The following TRIM24 variants were observed in gnomAD, a reference collection of about 807,000 sequenced individuals.
The protein encoded by TRIM24 is tripartite motif containing 24, also known as transcription intermediary factor 1-alpha.
Under a neutral mutation model 123.9 loss-of-function variants are expected in TRIM24, and 29 were observed. That is an observed-to-expected ratio of 0.23 (90% CI 0.17 to 0.32). The LOEUF (loss-of-function observed/expected upper bound fraction) is 0.32. Among genes scored for constraint, TRIM24 ranks in the 10% least tolerant of loss-of-function variants. TRIM24 has a pLI of 1.00. For missense variants in TRIM24, 932 were observed against 1,295.3 expected, an observed-to-expected ratio of 0.72 and a Z score of 4.31; for synonymous variants, 456 against 461.1, an observed-to-expected ratio of 0.99 and a Z score of 0.14.
Position 138,573,629 on chromosome 7 carries a change from T to C in TRIM24, c.2001T>C (p.Ser667=). 6.2e-7 allele frequency: 1 copy of C among 1,607,760 alleles called. No homozygotes were observed. Among genetic ancestry groups the C allele is most frequent in the Non-Finnish European group, 8.5e-7 (1 of 1,178,586 alleles). ...TVQSPNSSVP[S]PGLAGPVTMT... ...AGTCACCAAATTCATCAGTGCCATC[T>C]CCAGGCCTTGCAGGTAAAGTGGGCT... Residue 667 remains serine (S), a synonymous_variant, in exon 12 of 19, where the codon TCT becomes TCC. Coordinates refer to ENST00000343526, the MANE Select transcript of TRIM24 (RefSeq NM_015905.3).
Position 138,554,841 on chromosome 7 carries a change from C to A in TRIM24, c.1405C>A (p.Arg469=), listed in dbSNP as rs752822121. 1 of 1,614,156 alleles carries A rather than the reference C, an allele frequency of 6.2e-7. No homozygotes were observed. The highest frequency in any genetic ancestry group is 2.2e-5 in the East Asian group (1 of 44,878). The stretch of plus-strand genomic sequence containing the variant: ...AACACAGATCAGCCTAGCTCAATTA[C>A]GGCTCCAGCATATGCAGCAACAGGT... ...FPTQISLAQL[R]LQHMQQQVMA... is the part of the protein sequence containing the mutation. Residue 469 remains arginine, a synonymous_variant, in exon 9 of 19, where the codon CGG becomes AGG. Transcript: ENST00000343526. This position sits in a 1 kb window ranked among gnomAD's most constrained non-coding sequence, Gnocchi z 4.5.
chr7:138,517,072 C>G (rs1479184756), intron 3 of TRIM24, among the ~76,000 whole-genome samples: 1 of 151,494 alleles, frequency 6.6e-6, no homozygotes, highest in East Asian at 1.9e-4. Context: ...TGCCATTACA[C>G]TCCGTCTGCG....
In TRIM24 at chr7:138,568,806, T is replaced by G. The variant is rs535567024; in HGVS notation, c.1704+1152T>G. Among the ~76,000 whole-genome samples the G allele has an allele frequency of 8.7e-4, 133 of 152,286 alleles. 1 individual carries two copies. The highest frequency in any genetic ancestry group is 8.8e-4 in the Non-Finnish European group (60 of 68,024). On this transcript the variant is annotated intron_variant, in intron 10 of 18. Coordinates refer to ENST00000343526, the MANE Select transcript of TRIM24 (RefSeq NM_015905.3). ...CTATGACAACAGCCTGTCTAGCTGA[T>G]TGTAGACTGATTTTGGTTTCTCCAA...
At chr7:138,527,475 C>T (rs919058477) in intron 5 of TRIM24, among the ~76,000 whole-genome samples, 1 of 152,148 alleles carries the variant, frequency 6.6e-6, no homozygotes. Flanking sequence ...CTGTTTTTCC[C>T]TTACTCATCC....
intron 1 of TRIM24, among the ~76,000 whole-genome samples, chr7:138,483,251 T>A (rs186185621): frequency 6.6e-4 from 101 of 152,044 alleles, no homozygotes; most frequent in African/African-American, 1.6e-3. Flanking sequence ...TGTTAAAAAA[T>A]TTTTTTTTCA....
intron 1 of TRIM24, among the ~76,000 whole-genome samples, chr7:138,470,412 C>G (rs139276021): frequency 6.6e-6 from 1 of 152,202 alleles, no homozygotes; most frequent in East Asian, 1.9e-4. Context: ...CGAGCCATCG[C>G]GCCCAGTCTT....
intron 4 of TRIM24, among the ~76,000 whole-genome samples, chr7:138,520,748 A>G (rs146725394): frequency 1.9e-3 from 286 of 152,352 alleles, no homozygotes; most frequent in African/African-American, 6.8e-3. Flanking sequence ...GAAGGGCTTA[A>G]GAACAGATTT....
At chr7:138,486,529 G>A (rs1795651464) in intron 1 of TRIM24, among the ~76,000 whole-genome samples, 1 of 152,152 alleles carries the variant, frequency 6.6e-6, no homozygotes, top group Non-Finnish European at 1.5e-5. Context: ...TGTAAGGAAG[G>A]GATCCGGTTT....
intron 12 of TRIM24, among the ~76,000 whole-genome samples, chr7:138,574,659 T>C (rs1279820626): frequency 6.6e-6 from 1 of 152,086 alleles, no homozygotes; most frequent in Non-Finnish European, 1.5e-5. Context: ...ATAATAAAAA[T>C]AGTCATTGAG....
At chr7:138,560,447 A>G (rs946948221) in intron 9 of TRIM24, among the ~76,000 whole-genome samples, 5 of 152,198 alleles carry the variant, frequency 3.3e-5, no homozygotes, top group Admixed American at 2.6e-4. Context: ...ACATGTACGG[A>G]TAGCCTCTGG....
intron 7 of TRIM24, among the ~76,000 whole-genome samples, chr7:138,546,296 TG>T (rs1453461005): frequency 6.6e-6 from 1 of 152,188 alleles, no homozygotes; most frequent in Non-Finnish European, 1.5e-5. Flanking sequence ...AAGGTCATCC[TG>T]CGGAATGTAA....
At chr7:138,462,913 A>C (rs1300617353) in intron 1 of TRIM24, among the ~76,000 whole-genome samples, 3 of 150,290 alleles carry the variant, frequency 2.0e-5, no homozygotes, top group Non-Finnish European at 4.4e-5. Context: ...CTTCTTGCCC[A>C]GGCTGGAGTG....
At chr7:138,475,479 AT>A (rs1186603625) in intron 1 of TRIM24, among the ~76,000 whole-genome samples, 1 of 152,172 alleles carries the variant, frequency 6.6e-6, no homozygotes, top group Admixed American at 6.5e-5. Context: ...GAGAAAAAAT[AT>A]TTTTGGGTTA....
intron 1 of TRIM24, among the ~76,000 whole-genome samples, chr7:138,477,523 C>T (rs145357105): frequency 4.1e-4 from 63 of 152,158 alleles, no homozygotes; most frequent in African/African-American, 1.4e-3. Flanking sequence ...AACAAATGAA[C>T]GTTGTTCTGT....
intron 8 of TRIM24, among the ~76,000 whole-genome samples, chr7:138,551,899 G>A (rs994334503): frequency 6.6e-6 from 1 of 152,036 alleles, no homozygotes; most frequent in Non-Finnish European, 1.5e-5. Flanking sequence ...GCCTGATCAG[G>A]TAATAGTTAT....
chr7:138,544,859 G>A (rs763778773), intron 7 of TRIM24, among the ~76,000 whole-genome samples: 20 of 152,086 alleles, frequency 1.3e-4, no homozygotes, highest in Non-Finnish European at 2.5e-4. Context: ...TCTTAATCAC[G>A]TTATTTGGGT....
At chr7:138,463,697 TTG>T (rs775578178) in intron 1 of TRIM24, among the ~76,000 whole-genome samples, 2 of 152,192 alleles carry the variant, frequency 1.3e-5, no homozygotes, top group African/African-American at 2.4e-5. Context: ...TGAGACAAGT[TTG>T]TGATTCCATA....
intron 13 of TRIM24, 38 bp downstream of exon 13, chr7:138,576,483 T>C (rs1797761844): frequency 1.9e-6 from 3 of 1,576,160 alleles, no homozygotes; most frequent in Admixed American, 1.7e-5. Context: ...TATATAAAAA[T>C]CTCTAATTAG....
intron 7 of TRIM24, among the ~76,000 whole-genome samples, chr7:138,541,708 C>T (rs192058374): frequency 3.9e-5 from 6 of 152,302 alleles, no homozygotes; most frequent in East Asian, 3.9e-4. Flanking sequence ...CATGCATTGT[C>T]TTCTCTCTAT....
Sources: gnomAD v4.1 joint callset for allele counts (sites outside exome capture counted in the v4.1 genomes callset) on GRCh38, gnomAD v4.1.1 for gene constraint, Gnocchi (gnomAD v3.1) non-coding constraint, MANE v1.5 for transcripts, NCBI Gene and HGNC (gene_info 2026-07-23, HGNC 2026-07-21) for gene names.